The following FBXL13 variants were observed in gnomAD, a reference collection of about 807,000 sequenced individuals.
The protein encoded by FBXL13 is F-box and leucine rich repeat protein 13, also known as F-box and leucine-rich repeat protein 13.
FBXL13 carries 67 observed loss-of-function variants against 83.6 expected under a neutral mutation model. The observed-to-expected ratio is 0.80, with a 90% confidence interval of 0.66 to 0.98. The LOEUF (loss-of-function observed/expected upper bound fraction) is 0.98, where lower values mean the gene tolerates loss of function less well. FBXL13 is among the 50% of genes least tolerant of loss of function. The probability of loss-of-function intolerance (pLI) is 0.00; values close to 1 mark genes in which losing one functional copy is unlikely to be tolerated. For synonymous variants in FBXL13, 272 were observed against 299.5 expected (o/e 0.91, Z 0.95); for missense variants, 822 against 866.5 (o/e 0.95, Z 0.64).
intron 6 of FBXL13, among the ~76,000 whole-genome samples, chr7:103,009,644 T>C (rs867438183): frequency 9.8e-5 from 15 of 152,362 alleles, no homozygotes; most frequent in East Asian, 1.9e-4. Context: ...GCACCAGCAC[T>C]ATAGCCCCAG....
chr7:102,875,692 A>G (rs1029063085), intron 16 of FBXL13, among the ~76,000 whole-genome samples: 1 of 152,168 alleles, frequency 6.6e-6, no homozygotes, highest in Non-Finnish European at 1.5e-5. Flanking sequence ...GAATGGCTAC[A>G]TAGGTGGTAG....
chr7:102,956,689 G>C lies in FBXL13; in HGVS notation c.724+6844C>G, dbSNP rs144674473. The stretch of plus-strand genomic sequence containing the variant: ...GTGATAAGCAACTTCAGCAAAGTCT[G>C]AGGACACAAAATCAATGTGCAAAAA... On this transcript the variant is annotated intron_variant, in intron 8 of 19. Coordinates refer to ENST00000313221, the Ensembl canonical transcript of FBXL13. Among the ~76,000 whole-genome samples the C allele has an allele frequency of 3.7e-3, 567 of 152,206 alleles. 5 individuals are homozygous for C. Among genetic ancestry groups the C allele is most frequent in the African/African-American group, 0.013 (560 of 41,558 alleles).
intron 16 of FBXL13, among the ~76,000 whole-genome samples, chr7:102,856,469 T>G (rs1806065002): frequency 6.6e-6 from 1 of 152,252 alleles, no homozygotes; most frequent in Non-Finnish European, 1.5e-5. Flanking sequence ...GATTTCACTT[T>G]TATGTAGTCA....
At chr7:102,980,721 G>A (rs1037686641) in intron 6 of FBXL13, among the ~76,000 whole-genome samples, 3 of 151,908 alleles carry the variant, frequency 2.0e-5, no homozygotes, top group Non-Finnish European at 4.4e-5. Flanking sequence ...AGCTTGCAGT[G>A]AGCTGAGATC....
chr7:102,901,358 C>A (rs1444098116), intron 11 of FBXL13, among the ~76,000 whole-genome samples: 5 of 152,156 alleles, frequency 3.3e-5, no homozygotes, highest in Non-Finnish European at 2.9e-5. Flanking sequence ...AATAAGCACA[C>A]TATGGAGACT....
intron 17 of FBXL13, among the ~76,000 whole-genome samples, chr7:102,833,311 T>C (rs1026269741): frequency 1.3e-5 from 2 of 152,142 alleles, no homozygotes; most frequent in African/African-American, 4.8e-5. Context: ...CACTCCAAGA[T>C]TGACAGTGGA....
chr7:102,962,965 TA>T, intron 8 of FBXL13, among the ~76,000 whole-genome samples: 1 of 131,140 alleles, frequency 7.6e-6, no homozygotes, highest in Admixed American at 8.4e-5. Flanking sequence ...ACATGTACCC[TA>T]AAACTTAAAG....
intron 7 of FBXL13, among the ~76,000 whole-genome samples, chr7:102,965,873 A>C (rs141227213): frequency 6.6e-6 from 1 of 152,328 alleles, no homozygotes; most frequent in East Asian, 1.9e-4. Flanking sequence ...TCCAGTCAAT[A>C]GCTGACTTCA....
intron 11 of FBXL13, among the ~76,000 whole-genome samples, chr7:102,897,069 T>C (rs188275158): frequency 6.6e-6 from 1 of 152,062 alleles, no homozygotes; most frequent in East Asian, 1.9e-4. Context: ...GTTGGAGATA[T>C]ATAAATCATA....
chr7:102,961,641 T>C (rs1255169363), intron 8 of FBXL13, among the ~76,000 whole-genome samples: 1 of 151,796 alleles, frequency 6.6e-6, no homozygotes, highest in Non-Finnish European at 1.5e-5. Context: ...AACAGAGATA[T>C]AGACCAATGG....
intron 6 of FBXL13, among the ~76,000 whole-genome samples, chr7:102,990,130 G>A (rs950303585): frequency 6.6e-6 from 1 of 152,200 alleles, no homozygotes; most frequent in African/African-American, 2.4e-5. Flanking sequence ...AAGCAATGCC[G>A]ACACCAGAGA....
At chr7:102,940,434 T>C (rs1418579661) in intron 8 of FBXL13, among the ~76,000 whole-genome samples, 1 of 148,532 alleles carries the variant, frequency 6.7e-6, no homozygotes, top group Non-Finnish European at 1.5e-5. Context: ...ATGGTCTCTA[T>C]CTCCTGACCT....
At chr7:102,862,829 T>C (rs369638529) in intron 16 of FBXL13, among the ~76,000 whole-genome samples, 2 of 152,374 alleles carry the variant, frequency 1.3e-5, no homozygotes, top group South Asian at 4.1e-4. Context: ...CCTACTTCTC[T>C]GGATGTTCGT....
At chr7:103,025,012 C>G in intron 6 of FBXL13, 51 bp downstream of exon 7, 1 of 1,430,174 alleles carries the variant, frequency 7.0e-7, no homozygotes, top group Non-Finnish European at 9.4e-7. Flanking sequence ...AGGCATGCAC[C>G]ACCACACTTG....
chr7:102,855,488 A>G (rs1805904420), intron 16 of FBXL13, among the ~76,000 whole-genome samples: 1 of 152,102 alleles, frequency 6.6e-6, no homozygotes, highest in Non-Finnish European at 1.5e-5. Context: ...CTTTTTCCCC[A>G]AATTTACTGG....
chr7:102,913,103 G>T, exon 11 of FBXL13: 1 of 1,614,202 alleles, frequency 6.2e-7, no homozygotes, highest in Non-Finnish European at 8.5e-7. Flanking sequence ...CAGCCAGAGA[G>T]GTCCAGATAG....
At chr7:103,049,626 G>A (rs900476842) in intron 2 of FBXL13, among the ~76,000 whole-genome samples, 2 of 152,168 alleles carry the variant, frequency 1.3e-5, no homozygotes, top group Non-Finnish European at 2.9e-5. Flanking sequence ...CGCAAGAACA[G>A]GGCCAAGAAA....
intron 6 of FBXL13, among the ~76,000 whole-genome samples, chr7:102,985,180 T>C (rs1379906231): frequency 6.6e-6 from 1 of 152,198 alleles, no homozygotes; most frequent in Non-Finnish European, 1.5e-5. Flanking sequence ...GTTGTACCTA[T>C]CTGCAGGATT....
chr7:103,072,209 C>G (rs1052841206), intron 1 of FBXL13, among the ~76,000 whole-genome samples: 3 of 151,692 alleles, frequency 2.0e-5, no homozygotes, highest in African/African-American at 4.8e-5. Context: ...TAAAACCCAT[C>G]TGGGAAATTG....
Sources: allele counts gnomAD v4.1 joint callset (sites outside exome capture counted in the v4.1 genomes callset), GRCh38; gene constraint gnomAD v4.1.1; transcripts MANE v1.5; gene names NCBI Gene and HGNC (gene_info 2026-07-23, HGNC 2026-07-21).